Variants in ZNRF3 observed in about 807,000 individuals in gnomAD.
ZNRF3 encodes zinc and ring finger 3.
Under a neutral mutation model 72.5 loss-of-function variants are expected in ZNRF3, and 23 were observed. The ratio of observed to expected loss-of-function variants is 0.32; its 90% CI spans 0.23 to 0.45. The LOEUF is 0.45. Among genes scored for constraint, ZNRF3 ranks in the 20% least tolerant of loss-of-function variants. The pLI, the probability that ZNRF3 is intolerant of heterozygous loss-of-function variation, is 1.00. For missense variants in ZNRF3, 1,169 were observed against 1,272.1 expected (o/e 0.92, Z 1.23); for synonymous variants, 610 against 545.3 (o/e 1.12, Z -1.65).
chr22:28,973,686 C>T (rs1194632590), intron 1 of ZNRF3, among the ~76,000 whole-genome samples: 1 of 152,166 alleles, frequency 6.6e-6, no homozygotes, highest in African/African-American at 2.4e-5. Context: ...ATCCCCTTCT[C>T]AGAATGGTTA....
chr22:28,909,559 G>A (rs749815690), intron 1 of ZNRF3, among the ~76,000 whole-genome samples: 3 of 151,766 alleles, frequency 2.0e-5, no homozygotes, highest in Non-Finnish European at 4.4e-5. Flanking sequence ...AGAAAACAGC[G>A]CCTTCCTTTA....
intron 2 of ZNRF3, among the ~76,000 whole-genome samples, chr22:29,004,202 G>C (rs1459721728): frequency 3.3e-5 from 5 of 152,258 alleles, no homozygotes; most frequent in African/African-American, 1.2e-4. Context: ...GAGCCAGATA[G>C]GACGCCATTT....
chr22:29,020,904 C>T (rs1264001648), intron 2 of ZNRF3, among the ~76,000 whole-genome samples: 1 of 151,948 alleles, frequency 6.6e-6, no homozygotes, highest in Non-Finnish European at 1.5e-5. Context: ...TTACGCCATT[C>T]TCCTGCCTCA....
intron 1 of ZNRF3, among the ~76,000 whole-genome samples, chr22:28,911,740 C>T (rs979351900): frequency 3.3e-5 from 5 of 151,950 alleles, no homozygotes; most frequent in Admixed American, 3.3e-4. Flanking sequence ...GGAGCAATTC[C>T]TCAGTTGCCT....
chr22:28,975,777 G>T (rs977864017), intron 1 of ZNRF3, among the ~76,000 whole-genome samples: 2 of 152,062 alleles, frequency 1.3e-5, no homozygotes, highest in African/African-American at 4.8e-5. Flanking sequence ...TTTCCTCGGG[G>T]TCTGTTTGAA....
intron 1 of ZNRF3, among the ~76,000 whole-genome samples, chr22:28,931,609 AG>A (rs1238196379): frequency 2.0e-5 from 3 of 152,226 alleles, no homozygotes; most frequent in Admixed American, 1.3e-4. Flanking sequence ...CTACATTGTT[AG>A]GGAGCCCCAT....
chr22:28,887,243 T>A lies in ZNRF3; in HGVS notation c.300+3177T>A, dbSNP rs941215491. ...CGAAGAGAGAGAGAGAGAGTGTGTG[T>A]GTGTGTGTGTGTGTGTGTGTGTGTG... On this transcript the variant is annotated intron_variant, in intron 1 of 8. Transcript: ENST00000544604. Among the ~76,000 whole-genome samples the A allele has an allele frequency of 7.4e-3, 1,119 of 150,238 alleles. 14 individuals carry two copies. Among genetic ancestry groups the A allele is most frequent in the African/African-American group, 0.026 (1,065 of 40,256 alleles).
At chr22:28,939,775 C>A (rs1025506946) in intron 1 of ZNRF3, among the ~76,000 whole-genome samples, 5 of 152,122 alleles carry the variant, frequency 3.3e-5, no homozygotes, top group African/African-American at 1.2e-4. Flanking sequence ...GGGTTCACAT[C>A]CTACACCCCA....
intron 1 of ZNRF3, among the ~76,000 whole-genome samples, chr22:28,886,734 G>A (rs1268039569): frequency 1.3e-5 from 2 of 152,128 alleles, no homozygotes; most frequent in African/African-American, 4.8e-5. Flanking sequence ...TGAGGCAGGA[G>A]GATTGCTTGA....
At chr22:28,932,696 A>G (rs895858439) in intron 1 of ZNRF3, among the ~76,000 whole-genome samples, 13 of 152,256 alleles carry the variant, frequency 8.5e-5, no homozygotes, top group Admixed American at 2.6e-4. Flanking sequence ...GCTGACCCGT[A>G]TTGCCTTGAA....
At chr22:28,901,207 T>C (rs1261148385) in intron 1 of ZNRF3, among the ~76,000 whole-genome samples, 1 of 152,232 alleles carries the variant, frequency 6.6e-6, no homozygotes, top group East Asian at 1.9e-4. Flanking sequence ...TTGGAAGAGC[T>C]GTCCCTTCCT....
At chr22:28,988,855 C>G (rs1325498484) in intron 2 of ZNRF3, among the ~76,000 whole-genome samples, 1 of 152,200 alleles carries the variant, frequency 6.6e-6, no homozygotes. Context: ...TCTCTCGCAT[C>G]TATAAATGGG....
chr22:28,958,106 T>C (rs1019655101), intron 1 of ZNRF3, among the ~76,000 whole-genome samples: 1 of 152,178 alleles, frequency 6.6e-6, no homozygotes, highest in African/African-American at 2.4e-5. Flanking sequence ...GAGAATGGCG[T>C]GAACCCAGGA....
In ZNRF3 at chr22:29,049,375, C is replaced by A. The variant is rs1395429148; in HGVS notation, c.1194C>A (p.Thr398=). The part of the protein sequence containing the change: ...DSHGNPVTLL[T]MDRHGEQSLY... ...ACGGCAACCCCGTCACCTTGCTGACCATGGACCGGCACGGGGAGCAGAGCC... is the reference window on the plus strand; with the variant it reads ...ACGGCAACCCCGTCACCTTGCTGACAATGGACCGGCACGGGGAGCAGAGCC... Residue 398 remains threonine, a synonymous_variant, in exon 8 of 9, where the codon ACC becomes ACA. Coordinates refer to ENST00000544604, the MANE Select transcript of ZNRF3 (RefSeq NM_001206998.2). The surrounding 1 kb of genome is among the most constrained non-coding windows in gnomAD (Gnocchi z 5.2). 1 of 1,612,854 alleles carries A rather than the reference C, an allele frequency of 6.2e-7. No homozygotes were observed. The highest frequency in any genetic ancestry group is 8.5e-7 in the Non-Finnish European group (1 of 1,179,972).
intron 1 of ZNRF3, among the ~76,000 whole-genome samples, chr22:28,896,076 G>A (rs1209939085): frequency 6.6e-6 from 1 of 151,872 alleles, no homozygotes; most frequent in Non-Finnish European, 1.5e-5. Context: ...TCAGCCTCCC[G>A]AGTAGGTGGG....
intron 1 of ZNRF3, among the ~76,000 whole-genome samples, chr22:28,981,252 G>A (rs1036130142): frequency 1.3e-5 from 2 of 152,210 alleles, no homozygotes; most frequent in Admixed American, 6.5e-5. Context: ...AACTTTGGGA[G>A]AGTTTAGGAA....
At chr22:28,884,129 CCG>C in intron 1 of ZNRF3, 63 bp downstream of exon 1, 1 of 1,039,992 alleles carries the variant, frequency 9.6e-7, no homozygotes. Context: ...GGGGCTGCGC[CCG>C]CCGACCCCGC....
intron 2 of ZNRF3, among the ~76,000 whole-genome samples, chr22:29,028,832 T>C (rs1178890273): frequency 6.6e-6 from 1 of 152,240 alleles, no homozygotes; most frequent in East Asian, 1.9e-4. Context: ...AGTACCACTC[T>C]ATGACCAAGC....
intron 4 of ZNRF3, among the ~76,000 whole-genome samples, chr22:29,044,011 C>G (rs935715538): frequency 1.3e-5 from 2 of 152,240 alleles, no homozygotes; most frequent in Non-Finnish European, 2.9e-5. Flanking sequence ...CTCTTCTGCT[C>G]AAACCTCAAG....
Sources: gnomAD v4.1 joint callset for allele counts (sites outside exome capture counted in the v4.1 genomes callset) on GRCh38, gnomAD v4.1.1 for gene constraint, Gnocchi (gnomAD v3.1) non-coding constraint, MANE v1.5 for transcripts, NCBI Gene and HGNC (gene_info 2026-07-23, HGNC 2026-07-21) for gene names.